Variants in LCP1 observed in about 807,000 individuals in gnomAD.
LCP1 encodes the protein plastin-2.
LCP1 carries 23 observed loss-of-function variants against 72.0 expected under a neutral mutation model. The ratio of observed to expected loss-of-function variants is 0.32; its 90% CI spans 0.23 to 0.45. The LOEUF (loss-of-function observed/expected upper bound fraction) is 0.45. LCP1 is among the 20% of genes least tolerant of loss of function. The pLI, the probability that LCP1 is intolerant of heterozygous loss-of-function variation, is 1.00. For missense variants in LCP1, 571 were observed against 748.3 expected, an observed-to-expected ratio of 0.76 and a Z score of 2.76; for synonymous variants, 245 against 275.4, an observed-to-expected ratio of 0.89 and a Z score of 1.09.
At chr13:46,132,207 G>C (rs1474867150) in intron 14 of LCP1, among the ~76,000 whole-genome samples, 1 of 152,110 alleles carries the variant, frequency 6.6e-6, no homozygotes, top group Non-Finnish European at 1.5e-5. Flanking sequence ...CTTTCTAATA[G>C]TGAACCCCAG....
At position 46,164,906 on chromosome 13, in the gene LCP1, T is replaced by A. The variant is rs184018819; in HGVS notation, c.-24-5220A>T. Among the ~76,000 whole-genome samples the A allele has an allele frequency of 2.5e-3, 385 of 152,296 alleles. 1 individual carries two copies. The highest frequency in any genetic ancestry group is 2.5e-3 in the Non-Finnish European group (170 of 68,030). On this transcript the variant is annotated intron_variant, in intron 1 of 15. Coordinates refer to ENST00000323076, the MANE Select transcript of LCP1 (RefSeq NM_002298.5). ...TGGAGCTTGTAAATGCAGGTGCTGA[T>A]GAGCAGAGCAGGAAAAGGATGGAGT...
intron 14 of LCP1, 54 bp from the exon 15 acceptor site, chr13:46,130,992 T>G: frequency 1.3e-6 from 2 of 1,522,644 alleles, no homozygotes; most frequent in South Asian, 2.7e-5. Context: ...TTACTCCCAT[T>G]CAGCTCAAAG....
rs555055832 is a variant in LCP1, at chr13:46,153,037, G to A, written c.574-92C>T. 156 of 1,246,488 alleles carry A rather than the reference G, an allele frequency of 1.3e-4. No individual in the cohort carries two copies. In the African/African-American group the frequency reaches 2.0e-3, roughly 16 times the overall value. 77.2% of individuals were successfully genotyped at this position (1,246,488 alleles called of 1,614,324 possible). ...AACAGTAACAATGTTTTCCTTCTGC[G>A]AAGGTCACAGGTTTAGAGTCATGGT... On this transcript the variant is annotated intron_variant, in intron 6 of 15. Transcript: ENST00000323076.
chr13:46,146,660 C>T (rs2045732588), intron 10 of LCP1, among the ~76,000 whole-genome samples: 1 of 152,102 alleles, frequency 6.6e-6, no homozygotes. Context: ...ATTATCTTTC[C>T]TAAAACATTT....
Position 46,126,818 on chromosome 13 carries a change from G to A in LCP1, c.*773C>T. The A allele has an allele frequency of 4.3e-6, 1 of 230,976 alleles. No homozygotes were observed. 14.3% of individuals were successfully genotyped at this position (230,976 alleles called of 1,614,324 possible). On this transcript the variant is annotated 3_prime_UTR_variant, in exon 16 of 16. Transcript: ENST00000323076. ...AAGGCTGAAGGCTCTAGAGGGCAGA[G>A]TATTCAAGATGTTAGATCTGGTCCA...
intron 6 of LCP1, 129 bp downstream of exon 6, chr13:46,154,676 A>T: frequency 1.4e-6 from 1 of 693,274 alleles, no homozygotes; most frequent in Non-Finnish European, 2.6e-6. Flanking sequence ...CTGAAGTATG[A>T]CAAGTCACCA....
Position 46,134,213 on chromosome 13 carries a change from G to T in LCP1, c.1540C>A (p.Gln514Lys). 1 of 1,613,214 alleles carries T rather than the reference G, an allele frequency of 6.2e-7. No homozygotes were observed. Among genetic ancestry groups the T allele is most frequent in the Non-Finnish European group, 8.5e-7 (1 of 1,179,386 alleles). ...ACAATAATGTCATCATTGACCTTCT[G>T]GCCACCACCAATTTCTTCGAGGATA... ...LNILEEIGGG[Q>K]KVNDDIIVNW... The change falls in exon 14 of 16, where the codon CAG (glutamine) becomes AAG (lysine). Residue 514 changes from glutamine to lysine, a missense_variant. Coordinates refer to ENST00000323076, the MANE Select transcript of LCP1 (RefSeq NM_002298.5).
intron 1 of LCP1, among the ~76,000 whole-genome samples, chr13:46,175,082 C>T (rs1160297389): frequency 5.3e-5 from 8 of 152,150 alleles, no homozygotes; most frequent in Non-Finnish European, 7.4e-5. Context: ...CCAGACAAGT[C>T]ACTTAACCCT....
At chr13:46,159,827 A>T in intron 1 of LCP1, 141 bp from the exon 2 acceptor site, 1 of 619,166 alleles carries the variant, frequency 1.6e-6, no homozygotes, top group Non-Finnish European at 2.8e-6. Context: ...TCCAAAATGT[A>T]AGTCAGAAAT....
At chr13:46,156,909 C>A (rs2045805246) in intron 4 of LCP1, among the ~76,000 whole-genome samples, 1 of 151,246 alleles carries the variant, frequency 6.6e-6, no homozygotes, top group South Asian at 2.1e-4. Context: ...GCAAGCTCTG[C>A]CTCCTGGTTC....
intron 1 of LCP1, among the ~76,000 whole-genome samples, chr13:46,172,084 AAAG>A (rs775523067): frequency 1.3e-5 from 2 of 152,248 alleles, no homozygotes; most frequent in African/African-American, 2.4e-5. Flanking sequence ...TGGGAAGGCA[AAAG>A]AAGGTTTTCC....
chr13:46,146,502 C>T (rs912794573), intron 10 of LCP1, among the ~76,000 whole-genome samples: 3 of 152,132 alleles, frequency 2.0e-5, no homozygotes, highest in African/African-American at 7.2e-5. Context: ...AAACCAAAAA[C>T]TCAGTAAGCA....
chr13:46,169,155 C>T (rs1485204270), intron 1 of LCP1, among the ~76,000 whole-genome samples: 1 of 152,220 alleles, frequency 6.6e-6, no homozygotes, highest in Non-Finnish European at 1.5e-5. Context: ...TATTTCTCTT[C>T]TTTCCTCTTT....
chr13:46,157,859 G>A (rs181887487), intron 4 of LCP1, among the ~76,000 whole-genome samples: 9 of 145,610 alleles, frequency 6.2e-5, no homozygotes, highest in Non-Finnish European at 1.2e-4. Context: ...CGATTCTCCT[G>A]TCTCAGCTTC....
At chr13:46,176,249 A>G (rs1030744080) in intron 1 of LCP1, among the ~76,000 whole-genome samples, 12 of 152,216 alleles carry the variant, frequency 7.9e-5, no homozygotes, top group African/African-American at 2.9e-4. Context: ...GATGATGGAT[A>G]TGCTGATTAC....
chr13:46,163,045 T>C (rs1337570216), intron 1 of LCP1, among the ~76,000 whole-genome samples: 3 of 137,912 alleles, frequency 2.2e-5, no homozygotes. Flanking sequence ...AGCCGCCCCG[T>C]CCGGGAGGGA....
intron 1 of LCP1, chr13:46,168,614 C>T (rs1184698632): frequency 2.0e-5 from 3 of 152,276 alleles, no homozygotes; most frequent in African/African-American, 7.2e-5. Context: ...GGGATGTTAC[C>T]ACACACAGCT....
intron 4 of LCP1, 111 bp from the exon 5 acceptor site, chr13:46,156,681 T>G (rs905040310): frequency 2.0e-5 from 24 of 1,172,860 alleles, no homozygotes; most frequent in Non-Finnish European, 2.8e-5. Context: ...GTGAGTTTAT[T>G]CAGTCCATTA....
chr13:46,161,343 TA>T (rs1428944189), intron 1 of LCP1, among the ~76,000 whole-genome samples: 37 of 152,352 alleles, frequency 2.4e-4, no homozygotes, highest in Non-Finnish European at 4.9e-4. Context: ...ATGTATTCAT[TA>T]AAAATATATT....
Sources: allele counts gnomAD v4.1 joint callset (sites outside exome capture counted in the v4.1 genomes callset), GRCh38; gene constraint gnomAD v4.1.1; transcripts MANE v1.5; gene names NCBI Gene and HGNC (gene_info 2026-07-23, HGNC 2026-07-21).